MCUB: variants seen among roughly 807,000 people sequenced by gnomAD.
The protein encoded by MCUB is mitochondrial calcium uniporter dominant negative subunit beta, also known as calcium uniporter regulatory subunit MCUb, mitochondrial.
Under a neutral mutation model 41.4 loss-of-function variants are expected in MCUB, and 46 were observed. That is an observed-to-expected ratio of 1.11 (90% CI 0.88 to 1.42). The LOEUF is 1.42. Ranked by LOEUF, MCUB falls within the 40% of genes most tolerant of loss-of-function variation. The pLI is 0.00. For synonymous variants in MCUB, 148 were observed against 148.2 expected (o/e 1.00, Z 0.01); for missense variants, 403 against 404.9 (o/e 1.00, Z 0.04).
chr4:109,644,364 C>T (rs965761604), intron 1 of MCUB, among the ~76,000 whole-genome samples: 13 of 152,138 alleles, frequency 8.5e-5, no homozygotes, highest in African/African-American at 3.1e-4. Context: ...ACTTTTTATG[C>T]CAATCTGTCT....
intron 2 of MCUB, among the ~76,000 whole-genome samples, chr4:109,659,558 T>C (rs966438330): frequency 6.6e-6 from 1 of 152,038 alleles, no homozygotes; most frequent in African/African-American, 2.4e-5. Context: ...CCACTCCAGT[T>C]TGGGCAACAG....
intron 1 of MCUB, among the ~76,000 whole-genome samples, chr4:109,573,515 T>G (rs1726962282): frequency 1.3e-5 from 2 of 151,896 alleles, no homozygotes; most frequent in African/African-American, 4.8e-5. Context: ...AGGAAAAGGT[T>G]GTTTCTCTTA....
At chr4:109,572,713 T>A (rs923040385) in intron 1 of MCUB, among the ~76,000 whole-genome samples, 14 of 152,166 alleles carry the variant, frequency 9.2e-5, no homozygotes, top group African/African-American at 3.4e-4. Context: ...CTTGGTTTTT[T>A]AATTTGTCAG....
At chr4:109,635,756 C>T (rs1005248379) in intron 1 of MCUB, among the ~76,000 whole-genome samples, 7 of 152,110 alleles carry the variant, frequency 4.6e-5, no homozygotes, top group Non-Finnish European at 8.8e-5. Flanking sequence ...AACCACTCCA[C>T]GTGTGTCTGT....
chr4:109,588,529 A>G (rs1332771731), intron 1 of MCUB, among the ~76,000 whole-genome samples: 2 of 152,224 alleles, frequency 1.3e-5, no homozygotes, highest in Admixed American at 6.5e-5. Context: ...AGCTTTTAGC[A>G]AAGTTTGATA....
chr4:109,601,312 T>C (rs2126131165), intron 1 of MCUB, among the ~76,000 whole-genome samples: 1 of 152,266 alleles, frequency 6.6e-6, no homozygotes, highest in Non-Finnish European at 1.5e-5. Flanking sequence ...AGTCACCCTG[T>C]TGTGCTATCA....
At chr4:109,662,817 A>ATT (rs200110216) in intron 3 of MCUB, among the ~76,000 whole-genome samples, 2 of 150,218 alleles carry the variant, frequency 1.3e-5, no homozygotes, top group African/African-American at 4.9e-5. Flanking sequence ...TGTGTTGCTG[A>ATT]TTTTTTTTTT....
At chr4:109,575,462 CT>C (rs1174169061) in intron 1 of MCUB, among the ~76,000 whole-genome samples, 1 of 152,186 alleles carries the variant, frequency 6.6e-6, no homozygotes, top group African/African-American at 2.4e-5. Flanking sequence ...AGCTTGGCTG[CT>C]GTACTGACAG....
chr4:109,568,064 A>C (rs933972903), intron 1 of MCUB, among the ~76,000 whole-genome samples: 1 of 150,032 alleles, frequency 6.7e-6, no homozygotes, highest in Non-Finnish European at 1.5e-5. Flanking sequence ...TAATGTGACC[A>C]TAAACCTGGG....
chr4:109,599,681 A>T (rs2522548), intron 1 of MCUB, among the ~76,000 whole-genome samples: 69,726 of 142,462 alleles, frequency 0.49, 17,489 homozygotes, highest in South Asian at 0.62. Flanking sequence ...TTATTTATTT[A>T]TTTTTTTAAG....
chr4:109,629,684 A>G (rs1285525521), intron 1 of MCUB, among the ~76,000 whole-genome samples: 1 of 152,188 alleles, frequency 6.6e-6, no homozygotes, highest in Non-Finnish European at 1.5e-5. Flanking sequence ...AGGATATTAC[A>G]AAGGATACAG....
chr4:109,627,763 A>G (rs567068958), intron 1 of MCUB, among the ~76,000 whole-genome samples: 6 of 152,222 alleles, frequency 3.9e-5, no homozygotes, highest in African/African-American at 1.4e-4. Context: ...AAATACAAAA[A>G]TTAGCCAGGT....
At chr4:109,665,985 AGGG>A (rs1347941991) in intron 4 of MCUB, among the ~76,000 whole-genome samples, 5 of 152,026 alleles carry the variant, frequency 3.3e-5, no homozygotes, top group African/African-American at 1.2e-4. Context: ...GGAAAGAAGA[AGGG>A]GGAAAGGAAG....
intron 4 of MCUB, among the ~76,000 whole-genome samples, chr4:109,677,106 G>GGT (rs974008907): frequency 6.6e-6 from 1 of 152,226 alleles, no homozygotes; most frequent in Non-Finnish European, 1.5e-5. Flanking sequence ...GTATCCACAA[G>GGT]GTGGCATATG....
At chr4:109,584,998 G>A (rs1356480685) in intron 1 of MCUB, among the ~76,000 whole-genome samples, 1 of 152,134 alleles carries the variant, frequency 6.6e-6, no homozygotes, top group Non-Finnish European at 1.5e-5. Flanking sequence ...TTAAGTCCTG[G>A]ATATCCTTGT....
intron 1 of MCUB, among the ~76,000 whole-genome samples, chr4:109,570,272 G>A (rs1347062964): frequency 6.6e-6 from 1 of 152,108 alleles, no homozygotes; most frequent in African/African-American, 2.4e-5. Context: ...TCTGTACATT[G>A]TAATCTCGAA....
Position 109,660,179 on chromosome 4 carries a change from T to C in MCUB, c.176-16T>C, listed in dbSNP as rs201688118. On this transcript the variant is annotated splice_polypyrimidine_tract_variant and intron_variant, in intron 2 of 7. Coordinates refer to ENST00000394650, the MANE Select transcript of MCUB (RefSeq NM_017918.5). ...AGTAAAATTTACTCATTTTTTTTTCTTTTTTTCCTTAACAGAAATAACAGT... is the reference window on the plus strand; with the variant it reads ...AGTAAAATTTACTCATTTTTTTTTCCTTTTTTCCTTAACAGAAATAACAGT... The C allele has an allele frequency of 2.7e-5, 35 of 1,320,382 alleles. No homozygotes were observed. The highest frequency in any genetic ancestry group is 1.3e-4 in the South Asian group (9 of 70,352). 81.8% of individuals were successfully genotyped at this position (1,320,382 alleles called of 1,614,324 possible).
intron 1 of MCUB, among the ~76,000 whole-genome samples, chr4:109,633,005 AAAT>A (rs1434426757): frequency 6.6e-6 from 1 of 152,208 alleles, no homozygotes; most frequent in Non-Finnish European, 1.5e-5. Flanking sequence ...TGATATGCCA[AAAT>A]AATGATTATG....
intron 1 of MCUB, among the ~76,000 whole-genome samples, chr4:109,607,262 G>A (rs903179415): frequency 3.3e-5 from 5 of 151,678 alleles, no homozygotes; most frequent in African/African-American, 1.2e-4. Context: ...TTGTCCCCCA[G>A]GCTGGAGTGC....
Sources: gnomAD v4.1 joint callset for allele counts (sites outside exome capture counted in the v4.1 genomes callset) on GRCh38, gnomAD v4.1.1 for gene constraint, MANE v1.5 for transcripts, NCBI Gene and HGNC (gene_info 2026-07-23, HGNC 2026-07-21) for gene names.